OTUD7A: variants seen among roughly 807,000 people sequenced by gnomAD.
OTUD7A encodes the protein OTU deubiquitinase 7A.
In OTUD7A, 12 loss-of-function variants were observed where a neutral mutation model predicts 65.7. The observed-to-expected ratio is 0.18, with a 90% confidence interval of 0.12 to 0.30. The LOEUF (loss-of-function observed/expected upper bound fraction) is 0.30, where lower values mean the gene tolerates loss of function less well. OTUD7A is among the 10% of genes least tolerant of loss of function. The pLI, the probability that OTUD7A is intolerant of heterozygous loss-of-function variation, is 1.00. For missense variants in OTUD7A, 1,148 were observed against 1,304.8 expected (o/e 0.88, Z 1.85); for synonymous variants, 641 against 586.3 (o/e 1.09, Z -1.35).
chr15:31,487,071 G>C lies in OTUD7A; in HGVS notation c.1371+123C>G. The C allele has an allele frequency of 1.1e-6, 1 of 924,830 alleles. No homozygotes were observed. The highest frequency in any genetic ancestry group is 2.6e-5 in the East Asian group (1 of 37,770). 57.3% of individuals were successfully genotyped at this position (924,830 alleles called of 1,614,324 possible). ...CTACTGGGCTGTGGGTATGGCTGGG[G>C]TGGGCGGCCGGGCAGGGGCAGGCAA... On this transcript the variant is annotated intron_variant, in intron 12 of 12. Coordinates refer to ENST00000307050, the MANE Select transcript of OTUD7A (RefSeq NM_001382637.1). The surrounding 1 kb of genome is among the most constrained non-coding windows in gnomAD (Gnocchi z 6.0).
intron 3 of OTUD7A, among the ~76,000 whole-genome samples, chr15:31,624,245 A>T (rs1362716678): frequency 6.6e-6 from 1 of 152,262 alleles, no homozygotes; most frequent in East Asian, 1.9e-4. Flanking sequence ...TTAACATTAA[A>T]TTAAAATCAG....
intron 6 of OTUD7A, among the ~76,000 whole-genome samples, chr15:31,529,237 A>G (rs2042054897): frequency 6.6e-6 from 1 of 152,238 alleles, no homozygotes; most frequent in South Asian, 2.1e-4. Flanking sequence ...TCCAGGTTTT[A>G]GAAAGAACAA....
chr15:31,561,681 C>T (rs192869362), intron 4 of OTUD7A, among the ~76,000 whole-genome samples: 1 of 152,110 alleles, frequency 6.6e-6, no homozygotes, highest in South Asian at 2.1e-4. Context: ...TAATAGATTG[C>T]GTTGAAGATC....
chr15:31,716,816 T>C (rs981066562), intron 1 of OTUD7A, among the ~76,000 whole-genome samples: 4 of 152,178 alleles, frequency 2.6e-5, no homozygotes, highest in African/African-American at 7.2e-5. Context: ...GGGAAGTCCC[T>C]GGCTGAAGCT....
chr15:31,841,804 C>A (rs16955964), intron 1 of OTUD7A, among the ~76,000 whole-genome samples: 3,451 of 152,244 alleles, frequency 0.023, 134 homozygotes, highest in African/African-American at 0.079. Context: ...CTTCTACCTG[C>A]TGGAAAGAGT....
chr15:31,656,509 A>G (rs1891997032), intron 2 of OTUD7A, among the ~76,000 whole-genome samples: 2 of 152,228 alleles, frequency 1.3e-5, no homozygotes, highest in South Asian at 4.1e-4. Flanking sequence ...GAAAAGATGT[A>G]CTTCCTGGAA....
intron 8 of OTUD7A, among the ~76,000 whole-genome samples, chr15:31,511,882 C>T (rs1371268795): frequency 6.6e-6 from 1 of 151,044 alleles, no homozygotes; most frequent in African/African-American, 2.4e-5. Context: ...GATTTTTTAC[C>T]TTGAGGCTTA....
At chr15:31,549,589 ATCTGAGG>A (rs2141144471) in intron 5 of OTUD7A, among the ~76,000 whole-genome samples, 1 of 152,322 alleles carries the variant, frequency 6.6e-6, no homozygotes, top group South Asian at 2.1e-4. Context: ...GCCTGACCTA[ATCTGAGG>A]ACCAAAAGAG....
At chr15:31,559,983 C>G (rs1888638166) in intron 4 of OTUD7A, among the ~76,000 whole-genome samples, 1 of 152,218 alleles carries the variant, frequency 6.6e-6, no homozygotes. Flanking sequence ...CATGAAACCA[C>G]TTAGTAAGTG....
At position 31,487,406 on chromosome 15, in the gene OTUD7A, A is replaced by G. The variant is rs748610882; in HGVS notation, c.1286+46T>C. 2.5e-5 allele frequency: 40 copies of G among 1,596,642 alleles called. No homozygotes were observed. Among genetic ancestry groups the G allele is most frequent in the Non-Finnish European group, 3.3e-5 (38 of 1,166,858 alleles). ...TCCCTCCCCAGGATGCCCCAGCCATAGCCCTCCCTGTGGGCGCTGGGGAAA... is the reference window on the plus strand; with the variant it reads ...TCCCTCCCCAGGATGCCCCAGCCATGGCCCTCCCTGTGGGCGCTGGGGAAA... On this transcript the variant is annotated intron_variant, in intron 11 of 12. Transcript: ENST00000307050. This position sits in a 1 kb window ranked among gnomAD's most constrained non-coding sequence, Gnocchi z 6.0.
rs55868731 is a variant in OTUD7A at position 31,642,798 on chromosome 15, G to A, written c.151+12298C>T. On this transcript the variant is annotated intron_variant, in intron 3 of 12. Transcript: ENST00000307050. ...TTTTTCCTCTGATTATGTGGCTATG[G>A]GTTTATCAATTTTATTGATCTCAAA... 7.7e-3 allele frequency among the ~76,000 whole-genome samples: 1,162 copies of A among 151,610 alleles called. 20 individuals carry two copies. Among genetic ancestry groups the A allele is most frequent in the African/African-American group, 0.027 (1,098 of 41,368 alleles).
chr15:31,817,105 C>T (rs1007942675), intron 1 of OTUD7A, among the ~76,000 whole-genome samples: 1 of 152,068 alleles, frequency 6.6e-6, no homozygotes, highest in African/African-American at 2.4e-5. Flanking sequence ...AGGCTGTGAA[C>T]TAGTTTCTGT....
chr15:31,631,992 A>G (rs1891177121), intron 3 of OTUD7A, among the ~76,000 whole-genome samples: 1 of 151,820 alleles, frequency 6.6e-6, no homozygotes, highest in African/African-American at 2.4e-5. Context: ...CCATTCATCT[A>G]GTTTTTTTTC....
At chr15:31,826,257 A>C (rs977845855) in intron 1 of OTUD7A, among the ~76,000 whole-genome samples, 2 of 152,178 alleles carry the variant, frequency 1.3e-5, no homozygotes, top group Non-Finnish European at 2.9e-5. Context: ...AGGCATTTCC[A>C]TACATCTTTT....
intron 3 of OTUD7A, among the ~76,000 whole-genome samples, chr15:31,600,581 T>C (rs1595643934): frequency 6.6e-6 from 1 of 152,178 alleles, no homozygotes; most frequent in East Asian, 1.9e-4. Context: ...GCTAGCATCA[T>C]AATGACAGGA....
chr15:31,659,041 GAATA>G (rs199748846), intron 1 of OTUD7A, among the ~76,000 whole-genome samples: 22,024 of 123,572 alleles, frequency 0.18, 2,239 homozygotes, highest in South Asian at 0.28. Context: ...ATGAATGAAT[GAATA>G]AATAAATAAA....
At chr15:31,734,136 A>G (rs1040350384) in intron 1 of OTUD7A, among the ~76,000 whole-genome samples, 2 of 152,214 alleles carry the variant, frequency 1.3e-5, no homozygotes, top group African/African-American at 4.8e-5. Context: ...CTAAATCAGG[A>G]ATGTACTCCC....
chr15:31,607,781 T>G (rs181259215), intron 3 of OTUD7A, among the ~76,000 whole-genome samples: 5 of 152,356 alleles, frequency 3.3e-5, no homozygotes, highest in Non-Finnish European at 7.3e-5. Context: ...AACAGTAGGC[T>G]ATACCATATA....
chr15:31,573,479 G>T (rs1215584105), intron 3 of OTUD7A, among the ~76,000 whole-genome samples: 2 of 152,212 alleles, frequency 1.3e-5, no homozygotes, highest in African/African-American at 4.8e-5. Flanking sequence ...TACAAGTGAT[G>T]AAGAAGAATA....
Sources: allele counts gnomAD v4.1 joint callset (sites outside exome capture counted in the v4.1 genomes callset), GRCh38; gene constraint gnomAD v4.1.1; non-coding constraint Gnocchi (gnomAD v3.1); transcripts MANE v1.5; gene names NCBI Gene and HGNC (gene_info 2026-07-23, HGNC 2026-07-21).